PDGFRA: variants seen among roughly 807,000 people sequenced by gnomAD.
The protein encoded by PDGFRA is platelet-derived growth factor receptor alpha.
PDGFRA carries 25 observed loss-of-function variants against 121.5 expected under a neutral mutation model. The ratio of observed to expected loss-of-function variants is 0.21; its 90% confidence interval spans 0.15 to 0.29. PDGFRA has a LOEUF of 0.29. PDGFRA is among the 10% of genes least tolerant of loss of function. PDGFRA has a pLI of 1.00. For missense variants in PDGFRA, 1,008 were observed against 1,345.1 expected (o/e 0.75, Z 3.92); for synonymous variants, 463 against 494.8 (o/e 0.94, Z 0.85).
intron 8 of PDGFRA, 54 bp from the exon 9 acceptor site, chr4:54,272,340 C>T (rs1205604939): frequency 6.2e-7 from 1 of 1,602,060 alleles, no homozygotes; most frequent in Non-Finnish European, 8.5e-7. Flanking sequence ...TTTGTAGTCT[C>T]ATATGTTCTG....
At chr4:54,281,512 G>A (rs890159349) in intron 16 of PDGFRA, 8 of 1,087,506 alleles carry the variant, frequency 7.4e-6, no homozygotes, top group Non-Finnish European at 1.0e-5. Context: ...ATTAGCCAGT[G>A]AGAGTTATCG....
intron 1 of PDGFRA, among the ~76,000 whole-genome samples, chr4:54,248,241 AG>A: frequency 6.6e-6 from 1 of 152,364 alleles, no homozygotes; most frequent in Admixed American, 6.5e-5. Context: ...GAACCAAAAA[AG>A]AGCCCGCATC....
intron 2 of PDGFRA, 24 bp downstream of exon 2, chr4:54,258,841 G>A (rs770494916): frequency 1.2e-6 from 2 of 1,607,394 alleles, no homozygotes; most frequent in South Asian, 1.1e-5. Flanking sequence ...TCCTCTCTGA[G>A]TTCCTTGTTT....
chr4:54,283,347 C>T (rs1395988648), intron 16 of PDGFRA, among the ~76,000 whole-genome samples: 3 of 152,354 alleles, frequency 2.0e-5, no homozygotes, highest in East Asian at 3.9e-4. Context: ...TGTGCACCCA[C>T]AGGCTAACAC....
At chr4:54,265,316 T>C (rs1722975562) in intron 5 of PDGFRA, 1 of 422,680 alleles carries the variant, frequency 2.4e-6, no homozygotes, top group Admixed American at 3.5e-5. Context: ...CAGACAGAAA[T>C]AGGAAGGTTC....
At chr4:54,266,014 A>G (rs931390974) in intron 5 of PDGFRA, among the ~76,000 whole-genome samples, 1 of 152,258 alleles carries the variant, frequency 6.6e-6, no homozygotes, top group African/African-American at 2.4e-5. Flanking sequence ...GAAGTTGGGC[A>G]TTTTCACTAT....
rs529509433 is a variant in PDGFRA, at chr4:54,237,754, T to G, written c.-13+8339T>G. ...GCATTTGGGTTCACAGCACTGTAAT[T>G]GTGTTTCTCCTGCTGTGGTGAGCAA... On this transcript the variant is annotated intron_variant, in intron 1 of 22. Coordinates refer to ENST00000257290, the MANE Select transcript of PDGFRA (RefSeq NM_006206.6). Among the ~76,000 whole-genome samples the G allele has an allele frequency of 7.9e-5, 12 of 152,286 alleles. No individual in the cohort carries two copies. In the East Asian group the frequency reaches 2.3e-3, roughly 29 times the overall value.
intron 3 of PDGFRA, 41 bp downstream of exon 3, chr4:54,261,453 C>T (rs1024730876): frequency 3.0e-5 from 39 of 1,316,994 alleles, no homozygotes; most frequent in Non-Finnish European, 4.3e-5. Flanking sequence ...TCTTCTCTTC[C>T]TGTCTCTCCT....
intron 5 of PDGFRA, among the ~76,000 whole-genome samples, chr4:54,266,041 C>A (rs1723012560): frequency 6.6e-6 from 1 of 152,212 alleles, no homozygotes; most frequent in African/African-American, 2.4e-5. Context: ...ACAAACTTCA[C>A]ACAGTGAAGG....
At chr4:54,230,661 T>G (rs1038552682) in intron 1 of PDGFRA, 2 of 151,964 alleles carry the variant, frequency 1.3e-5, no homozygotes, top group Admixed American at 1.3e-4. Context: ...ACCCGAGCCC[T>G]GGACACCCCC....
intron 10 of PDGFRA, among the ~76,000 whole-genome samples, chr4:54,274,309 G>A (rs941622840): frequency 2.0e-5 from 3 of 152,200 alleles, no homozygotes; most frequent in Non-Finnish European, 4.4e-5. Context: ...TCTCCTGATT[G>A]AATTTTGTCC....
At chr4:54,272,710 T>C (rs1240924362) in intron 9 of PDGFRA, among the ~76,000 whole-genome samples, 190 bp downstream of exon 9, 2 of 152,108 alleles carry the variant, frequency 1.3e-5, no homozygotes, top group Non-Finnish European at 2.9e-5. Flanking sequence ...CTTCAAAATG[T>C]CTCCAATCTA....
chr4:54,277,418 A>G lies in PDGFRA; in HGVS notation c.1817A>G (p.Lys606Arg), dbSNP rs1723797886. 6.2e-7 allele frequency: 1 copy of G among 1,613,960 alleles called. No individual in the cohort carries two copies. Among genetic ancestry groups the G allele is most frequent in the Non-Finnish European group, 8.5e-7 (1 of 1,179,976 alleles). ...GRVLGSGAFG[K>R]VVEGTAYGLS... ...GTCTTGGGGTCTGGAGCGTTTGGGAAGGTGGTTGAAGGAACAGCCTATGGA... is the reference window on the plus strand; with the variant it reads ...GTCTTGGGGTCTGGAGCGTTTGGGAGGGTGGTTGAAGGAACAGCCTATGGA... Residue 606 changes from lysine (K) to arginine (R), a missense_variant, in exon 13 of 23, where the codon AAG (lysine) becomes AGG (arginine). Around this residue, in one of 5 missense-constraint regions of PDGFRA, gnomAD observed 61 missense variants for 125.3 expected, o/e 0.49. Transcript: ENST00000257290.
Position 54,295,158 on chromosome 4 carries a change from G to A in PDGFRA, c.3156G>A (p.Thr1052=), listed in dbSNP as rs55996208. ...CCTCTGAAGAGAGTGCCATTGAGAC[G>A]GGTTCCAGCAGTTCCACCTTCATCA... ...SQTSEESAIE[T]GSSSSTFIKR... The change falls in exon 23 of 23, where the codon ACG becomes ACA. Residue 1052 remains threonine (T), a synonymous_variant. Transcript: ENST00000257290. 1.2e-3 allele frequency: 1,872 copies of A among 1,614,056 alleles called. 2 individuals carry two copies. Among genetic ancestry groups the A allele is most frequent in the Non-Finnish European group, 1.3e-3 (1,572 of 1,179,962 alleles).
In PDGFRA at chr4:54,265,010, T is replaced by C. The variant is rs768535525; in HGVS notation, c.720T>C (p.Asn240=). ...TIVVTCAVFN[N]EVVDLQWTYP... Reference sequence around the variant, plus strand: ...TGGTCACCTGTGCTGTTTTTAACAATGAGGTGGTTGACCTTCAATGGACTT... The same window carrying C: ...TGGTCACCTGTGCTGTTTTTAACAACGAGGTGGTTGACCTTCAATGGACTT... Residue 240 remains asparagine, a synonymous_variant, in exon 5 of 23, where the codon AAT becomes AAC. Coordinates refer to ENST00000257290, the MANE Select transcript of PDGFRA (RefSeq NM_006206.6). 6.2e-7 allele frequency: 1 copy of C among 1,613,746 alleles called. No individual in the cohort carries two copies. Among genetic ancestry groups the C allele is most frequent in the Non-Finnish European group, 8.5e-7 (1 of 1,179,696 alleles).
intron 7 of PDGFRA, 150 bp from the exon 8 acceptor site, chr4:54,270,483 G>A (rs1723279410): frequency 6.5e-6 from 4 of 615,872 alleles, no homozygotes; most frequent in Non-Finnish European, 5.9e-6. Context: ...ACTATATATT[G>A]AGAATTCCAG....
intron 1 of PDGFRA, among the ~76,000 whole-genome samples, chr4:54,241,216 GAA>G (rs1410432075): frequency 6.6e-6 from 1 of 152,022 alleles, no homozygotes; most frequent in African/African-American, 2.4e-5. Context: ...AATTTCGAAA[GAA>G]AATAAAAACA....
At chr4:54,267,836 G>A (rs1723129815) in intron 7 of PDGFRA, 95 bp downstream of exon 7, 1 of 962,728 alleles carries the variant, frequency 1.0e-6, no homozygotes, top group Non-Finnish European at 1.7e-6. Flanking sequence ...CCCAAAGTCA[G>A]TCTAGAAAAT....
At chr4:54,261,052 C>T in intron 2 of PDGFRA, 43 bp from the exon 3 acceptor site, 2 of 1,561,926 alleles carry the variant, frequency 1.3e-6, no homozygotes, top group Non-Finnish European at 1.8e-6. Flanking sequence ...ATGAGACTGT[C>T]CTTTCTGACT....
Sources: allele counts gnomAD v4.1 joint callset (sites outside exome capture counted in the v4.1 genomes callset), GRCh38; gene constraint gnomAD v4.1.1; regional missense constraint gnomAD v4.1.1; transcripts MANE v1.5; gene names NCBI Gene and HGNC (gene_info 2026-07-23, HGNC 2026-07-21).